The following PAQR9 variants were observed in gnomAD, a reference collection of about 807,000 sequenced individuals.
The protein encoded by PAQR9 is membrane progestin receptor epsilon.
Under a neutral mutation model 24.0 loss-of-function variants are expected in PAQR9, and 12 were observed. That is an observed-to-expected ratio of 0.50 (90% CI 0.32 to 0.81). The LOEUF (loss-of-function observed/expected upper bound fraction) is 0.81, where lower values mean the gene tolerates loss of function less well. PAQR9 is among the 30% of genes least tolerant of loss of function. The pLI is 0.03. For synonymous variants in PAQR9, 266 were observed against 237.6 expected, an observed-to-expected ratio of 1.12 and a Z score of -1.10; for missense variants, 418 against 520.8, an observed-to-expected ratio of 0.80 and a Z score of 1.92.
In PAQR9 at chr3:142,956,025, T is replaced by C. The variant is rs1013491472; in HGVS notation, c.*6178A>G. On this transcript the variant is annotated 3_prime_UTR_variant, in exon 1 of 1. Transcript: ENST00000340634. Reference sequence around the variant, plus strand: ...TCCAAAAAGCTCTGGTTCTCACTTATGTGCTAAGGCCTGTTTTTACAAACA... The same window carrying C: ...TCCAAAAAGCTCTGGTTCTCACTTACGTGCTAAGGCCTGTTTTTACAAACA... Among the ~76,000 whole-genome samples, 1 of 152,252 alleles carries C rather than the reference T, an allele frequency of 6.6e-6. No individual in the cohort carries two copies. The highest frequency in any genetic ancestry group is 1.5e-5 in the Non-Finnish European group (1 of 68,048).
Position 142,963,582 on chromosome 3 carries a change from C to G in PAQR9, c.-246G>C. The G allele has an allele frequency of 1.1e-6, 1 of 914,314 alleles. No individual in the cohort carries two copies. Among genetic ancestry groups the G allele is most frequent in the Non-Finnish European group, 1.3e-6 (1 of 765,786 alleles). 56.6% of individuals were successfully genotyped at this position (914,314 alleles called of 1,614,324 possible). A position where few individuals can be genotyped will look rare whatever the true frequency, so the allele number is the denominator to read the frequency against. On this transcript the variant is annotated 5_prime_UTR_variant, in exon 1 of 1. Coordinates refer to ENST00000340634, the MANE Select transcript of PAQR9 (RefSeq NM_198504.4). ...GGAGCGCGCGAGGCTCAGCGGCTTCCTCGCCAAGCCCCTGCTACCGGCGCG... is the reference window on the plus strand; with the variant it reads ...GGAGCGCGCGAGGCTCAGCGGCTTCGTCGCCAAGCCCCTGCTACCGGCGCG...
chr3:142,953,357 G>T (rs76355139), downstream of PAQR9, among the ~76,000 whole-genome samples: 2 of 152,068 alleles, frequency 1.3e-5, no homozygotes, highest in African/African-American at 4.8e-5. Context: ...CTTTGGGAAA[G>T]GGGACAAGAG....
downstream of PAQR9, among the ~76,000 whole-genome samples, chr3:142,954,027 C>T (rs1014773630): frequency 6.6e-6 from 1 of 152,210 alleles, no homozygotes; most frequent in Non-Finnish European, 1.5e-5. Context: ...CAGCTATGTG[C>T]ACTCCCCAGT....
In PAQR9 at chr3:142,956,668, T is replaced by A. The variant is rs1158329376; in HGVS notation, c.*5535A>T. Among the ~76,000 whole-genome samples the A allele has an allele frequency of 6.6e-6, 1 of 152,158 alleles. No homozygotes were observed. The highest frequency in any genetic ancestry group is 1.5e-5 in the Non-Finnish European group (1 of 68,006). On this transcript the variant is annotated 3_prime_UTR_variant, in exon 1 of 1. Coordinates refer to ENST00000340634, the MANE Select transcript of PAQR9 (RefSeq NM_198504.4). ...ACAATTAACAGCTAAATGAGCATTC[T>A]TGGCCCCTGACCTATAAATAAACAC... is the stretch of plus-strand genomic sequence containing the variant.
downstream of PAQR9, chr3:142,951,741 G>A (rs547163541): frequency 5.8e-4 from 267 of 456,488 alleles, 1 homozygote; most frequent in Non-Finnish European, 1.0e-3. Flanking sequence ...CAGCTATACC[G>A]GTATAGATGC....
chr3:142,957,146 AAGGGCTTTAAGCC>A lies in PAQR9; in HGVS notation c.*5044_*5056del, dbSNP rs1352770924. Among the ~76,000 whole-genome samples the A allele has an allele frequency of 6.6e-6, 1 of 152,224 alleles. No homozygotes were observed. Among genetic ancestry groups the A allele is most frequent in the African/African-American group, 2.4e-5 (1 of 41,450 alleles). On this transcript the variant is annotated 3_prime_UTR_variant, in exon 1 of 1. Transcript: ENST00000340634. ...TGTCCTAATTTTATGGAAACAAAGT[AAGGGCTTTAAGCC>A]AGGAGATAAATGTACCACTCAAAAT...
downstream of PAQR9, among the ~76,000 whole-genome samples, chr3:142,951,411 G>A (rs184744856): frequency 3.0e-3 from 450 of 152,240 alleles, 3 homozygotes; most frequent in Admixed American, 0.014. Flanking sequence ...GTTTTGCCAA[G>A]GAAAATTAAA....
At chr3:142,952,821 A>G (rs1232911139), downstream of PAQR9, 2 of 456,602 alleles carry the variant, frequency 4.4e-6, no homozygotes, top group African/African-American at 2.0e-5. Flanking sequence ...TTCCAATCCA[A>G]TCTTCCGTGA....
Position 142,963,586 on chromosome 3 carries a change from C to T in PAQR9, c.-250G>A. The T allele has an allele frequency of 5.5e-6, 5 of 903,274 alleles. No individual in the cohort carries two copies. The highest frequency in any genetic ancestry group is 6.6e-6 in the Non-Finnish European group (5 of 755,886). The allele number at this position is 903,274 out of a possible 1,614,324, so 56.0% of individuals were successfully genotyped here. ...CGCGCGAGGCTCAGCGGCTTCCTCG[C>T]CAAGCCCCTGCTACCGGCGCGCGGC... On this transcript the variant is annotated 5_prime_UTR_variant, in exon 1 of 1. Coordinates refer to ENST00000340634, the MANE Select transcript of PAQR9 (RefSeq NM_198504.4).
chr3:142,952,433 G>A (rs1026698674), downstream of PAQR9, among the ~76,000 whole-genome samples: 8 of 152,302 alleles, frequency 5.3e-5, no homozygotes, highest in Non-Finnish European at 1.2e-4. Context: ...CGTGGGACTG[G>A]CTCAGTCATG....
At chr3:142,964,002 G>A (rs979488735), upstream of PAQR9, 4 of 470,826 alleles carry the variant, frequency 8.5e-6, no homozygotes, top group African/African-American at 2.1e-5. Context: ...GCGTTCTGGA[G>A]GACACTGGGG....
rs1458540497 is a variant in PAQR9 at position 142,958,978 on chromosome 3, C to T, written c.*3225G>A. 2.6e-5 allele frequency among the ~76,000 whole-genome samples: 4 copies of T among 152,132 alleles called. No homozygotes were observed. Among genetic ancestry groups the T allele is most frequent in the Admixed American group, 1.3e-4 (2 of 15,272 alleles). On this transcript the variant is annotated 3_prime_UTR_variant, in exon 1 of 1. Coordinates refer to ENST00000340634, the MANE Select transcript of PAQR9 (RefSeq NM_198504.4). ...GACCAACCCACGGGGTGACAGGCACCGAAGTCAAACACCTTCATTTTCCAG... is the reference window on the plus strand; with the variant it reads ...GACCAACCCACGGGGTGACAGGCACTGAAGTCAAACACCTTCATTTTCCAG...
chr3:142,949,624 C>T (rs1335250897), downstream of PAQR9: 1 of 152,164 alleles, frequency 6.6e-6, no homozygotes, highest in East Asian at 1.9e-4. Flanking sequence ...AATCTTCCAT[C>T]TTCCATTTCT....
downstream of PAQR9, chr3:142,949,989 TAA>T (rs1209121374): frequency 1.3e-5 from 2 of 152,260 alleles, no homozygotes; most frequent in Non-Finnish European, 2.9e-5. Context: ...TCTAGCCTAG[TAA>T]TGAGCCCATC....
rs1934883147 is a variant in PAQR9, at chr3:142,961,212, T to C, written c.*991A>G. The C allele has an allele frequency of 6.5e-6, 1 of 152,674 alleles. No individual in the cohort carries two copies. Among genetic ancestry groups the C allele is most frequent in the Non-Finnish European group, 1.5e-5 (1 of 68,046 alleles). The allele number at this position is 152,674 out of a possible 1,614,324, so 9.5% of individuals were successfully genotyped here. A position where few individuals can be genotyped will look rare whatever the true frequency, so the allele number is the denominator to read the frequency against. On this transcript the variant is annotated 3_prime_UTR_variant, in exon 1 of 1. Coordinates refer to ENST00000340634, the MANE Select transcript of PAQR9 (RefSeq NM_198504.4). Reference sequence around the variant, plus strand: ...TTACTACTCTCCCCATGTAAGAAACTGTGTTTGAGGACCAGTCATTTGGAC... The same window carrying C: ...TTACTACTCTCCCCATGTAAGAAACCGTGTTTGAGGACCAGTCATTTGGAC...
chr3:142,958,401 C>A lies in PAQR9; in HGVS notation c.*3802G>T, dbSNP rs1350286956. 6.6e-6 allele frequency among the ~76,000 whole-genome samples: 1 copy of A among 152,198 alleles called. No homozygotes were observed. Among genetic ancestry groups the A allele is most frequent in the Non-Finnish European group, 1.5e-5 (1 of 68,036 alleles). On this transcript the variant is annotated 3_prime_UTR_variant, in exon 1 of 1. Transcript: ENST00000340634. Reference sequence around the variant, plus strand: ...GACAATGGTCTCCGCATTCTAATGCCAGTTTGAAAACTTAATCCTGTCACC... The same window carrying A: ...GACAATGGTCTCCGCATTCTAATGCAAGTTTGAAAACTTAATCCTGTCACC...
rs1291845702 is a variant in PAQR9 at position 142,958,853 on chromosome 3, C to A, written c.*3350G>T. On this transcript the variant is annotated 3_prime_UTR_variant, in exon 1 of 1. Transcript: ENST00000340634. ...CATGACATGACCGAGGAACTCATTT[C>A]CTCTCTCTGGGAAGGTCATCCTCTT... 2.6e-5 allele frequency among the ~76,000 whole-genome samples: 4 copies of A among 152,166 alleles called. No individual in the cohort carries two copies. Among genetic ancestry groups the A allele is most frequent in the Non-Finnish European group, 5.9e-5 (4 of 68,038 alleles).
chr3:142,951,436 G>T, downstream of PAQR9: 1 of 186,144 alleles, frequency 5.4e-6, no homozygotes, highest in Non-Finnish European at 1.1e-5. Flanking sequence ...AAAAATTCAA[G>T]GCCCAGTAGA....
downstream of PAQR9, chr3:142,951,577 G>C: frequency 7.5e-6 from 3 of 397,850 alleles, no homozygotes; most frequent in Non-Finnish European, 1.5e-5. Context: ...TGCTAAAGGG[G>C]ATTTATTAGT....
Sources: gnomAD v4.1 joint callset for allele counts (sites outside exome capture counted in the v4.1 genomes callset) on GRCh38, gnomAD v4.1.1 for gene constraint, MANE v1.5 for transcripts, NCBI Gene and HGNC (gene_info 2026-07-23, HGNC 2026-07-21) for gene names.